The following PPFIA2 variants were observed in gnomAD, a reference collection of about 807,000 sequenced individuals.
PPFIA2 encodes PPFI scaffold protein A2.
A neutral mutation model predicts 175.5 loss-of-function variants in PPFIA2; 46 were observed. The ratio of observed to expected loss-of-function variants is 0.26; its 90% CI spans 0.21 to 0.34. PPFIA2 has a LOEUF of 0.34. PPFIA2 is among the 10% of genes least tolerant of loss of function. The probability of loss-of-function intolerance (pLI) is 1.00; values close to 1 mark genes in which losing one functional copy is unlikely to be tolerated. For synonymous variants in PPFIA2, 568 were observed against 511.4 expected, an observed-to-expected ratio of 1.11 and a Z score of -1.49; for missense variants, 1,179 against 1,506.1, an observed-to-expected ratio of 0.78 and a Z score of 3.60.
At chr12:81,602,200 C>T (rs1183529081) in intron 4 of PPFIA2, among the ~76,000 whole-genome samples, 2 of 151,756 alleles carry the variant, frequency 1.3e-5, no homozygotes, top group African/African-American at 4.8e-5. Flanking sequence ...ATTATTACCA[C>T]ACAATGTACC....
At chr12:81,647,639 T>C (rs2066332870) in intron 4 of PPFIA2, among the ~76,000 whole-genome samples, 2 of 150,822 alleles carry the variant, frequency 1.3e-5, no homozygotes, top group South Asian at 4.2e-4. Context: ...CGGGTGCTTG[T>C]AGTCCCAGCT....
At chr12:81,435,610 A>G (rs900273909) in intron 7 of PPFIA2, among the ~76,000 whole-genome samples, 2 of 152,142 alleles carry the variant, frequency 1.3e-5, no homozygotes, top group Non-Finnish European at 2.9e-5. Context: ...AAGAGACTCT[A>G]TATATAATAA....
At chr12:81,416,924 T>C (rs1023242846) in intron 7 of PPFIA2, among the ~76,000 whole-genome samples, 2 of 151,790 alleles carry the variant, frequency 1.3e-5, no homozygotes, top group Admixed American at 6.6e-5. Context: ...ACATGCTCTG[T>C]GAATGAGAGC....
Position 81,325,778 on chromosome 12 carries a change from T to TTTTCTTTAGTCTTCGATC in PPFIA2, c.2623_2640dup (p.Asp875_Lys880dup). 6.2e-7 allele frequency: 1 copy of TTTTCTTTAGTCTTCGATC among 1,610,342 alleles called. No individual in the cohort carries two copies. On this transcript the variant is annotated inframe_insertion and splice_region_variant, in exon 22 of 33. Coordinates refer to ENST00000549396, the MANE Select transcript of PPFIA2 (RefSeq NM_003625.5). ...AGAGGGAAAAATCCCCAAACCTACT[T>TTTTCTTTAGTCTTCGATC]TTTCTTTAGTCTTCGATCCTTCTCA...
chr12:81,343,472 A>T (rs1051009103), intron 19 of PPFIA2, among the ~76,000 whole-genome samples: 1 of 152,102 alleles, frequency 6.6e-6, no homozygotes, highest in Non-Finnish European at 1.5e-5. Context: ...GGAAAATAAA[A>T]TGGTAATTCC....
At chr12:81,605,886 G>A (rs1342321712) in intron 4 of PPFIA2, among the ~76,000 whole-genome samples, 1 of 151,784 alleles carries the variant, frequency 6.6e-6, no homozygotes, top group Non-Finnish European at 1.5e-5. Context: ...GGGGGTACAT[G>A]TGCAGATTTG....
intron 4 of PPFIA2, among the ~76,000 whole-genome samples, chr12:81,606,660 G>T (rs922558753): frequency 6.6e-6 from 1 of 151,950 alleles, no homozygotes; most frequent in African/African-American, 2.4e-5. Flanking sequence ...TTTTAATGAG[G>T]TTATTTGTTT....
In PPFIA2 at chr12:81,626,973, T is replaced by C. The variant is rs532202502; in HGVS notation, c.303+49818A>G. Among the ~76,000 whole-genome samples the C allele has an allele frequency of 1.1e-4, 17 of 152,238 alleles. No homozygotes were observed. In the East Asian group the frequency reaches 2.9e-3, roughly 26 times the overall value. ...TTTTAATCCATAAAGGATACTTTTT[T>C]GCCTCAGGTCTCATTTGATGTGCTT... On this transcript the variant is annotated intron_variant, in intron 4 of 32. Transcript: ENST00000549396.
intron 4 of PPFIA2, among the ~76,000 whole-genome samples, chr12:81,580,111 A>G (rs144701206): frequency 6.6e-6 from 1 of 152,010 alleles, no homozygotes; most frequent in African/African-American, 2.4e-5. Flanking sequence ...GGAACAAAGT[A>G]TTTCATTTAA....
intron 3 of PPFIA2, among the ~76,000 whole-genome samples, chr12:81,734,434 GGA>G (rs1353386194): frequency 6.6e-6 from 1 of 151,796 alleles, no homozygotes; most frequent in Non-Finnish European, 1.5e-5. Context: ...ATACAAAGGG[GGA>G]GAGAGGCAGA....
intron 5 of PPFIA2, among the ~76,000 whole-genome samples, chr12:81,447,136 AAATAATAAT>A (rs576032530): frequency 6.6e-6 from 1 of 151,942 alleles, no homozygotes; most frequent in Non-Finnish European, 1.5e-5. Context: ...GTCTCTACTA[AAATAATAAT>A]AATAATAATA....
At chr12:81,718,691 A>G (rs2078958832) in intron 3 of PPFIA2, among the ~76,000 whole-genome samples, 3 of 151,658 alleles carry the variant, frequency 2.0e-5, no homozygotes, top group African/African-American at 7.3e-5. Flanking sequence ...CCCATTTAAT[A>G]CATTTGAAGA....
intron 4 of PPFIA2, among the ~76,000 whole-genome samples, chr12:81,532,999 A>G (rs944464300): frequency 6.6e-6 from 1 of 151,514 alleles, no homozygotes; most frequent in Non-Finnish European, 1.5e-5. Context: ...TTTCTTATGT[A>G]TTTGGTTTTT....
chr12:81,641,676 C>A (rs1296135584), intron 4 of PPFIA2, among the ~76,000 whole-genome samples: 1 of 152,144 alleles, frequency 6.6e-6, no homozygotes, highest in African/African-American at 2.4e-5. Flanking sequence ...GATCTGACAA[C>A]TGACCACAGT....
At chr12:81,604,550 T>G (rs953994968) in intron 4 of PPFIA2, among the ~76,000 whole-genome samples, 3 of 151,720 alleles carry the variant, frequency 2.0e-5, no homozygotes, top group African/African-American at 7.2e-5. Flanking sequence ...AACTTCATTC[T>G]TAGTTTGATT....
At chr12:81,435,473 G>A (rs1275771790) in intron 7 of PPFIA2, among the ~76,000 whole-genome samples, 2 of 152,046 alleles carry the variant, frequency 1.3e-5, no homozygotes, top group Non-Finnish European at 2.9e-5. Context: ...GAGAATAGAT[G>A]AGCGATCAAT....
chr12:81,603,440 T>C (rs2059987215), intron 4 of PPFIA2, among the ~76,000 whole-genome samples: 2 of 151,672 alleles, frequency 1.3e-5, no homozygotes, highest in Admixed American at 1.3e-4. Flanking sequence ...GTGTTTACCA[T>C]GGCCTTTGTA....
intron 4 of PPFIA2, among the ~76,000 whole-genome samples, chr12:81,495,750 G>A (rs1459663882): frequency 6.6e-6 from 1 of 152,188 alleles, no homozygotes; most frequent in Admixed American, 6.5e-5. Flanking sequence ...CAGGGTTTGA[G>A]CCTACAGTGG....
intron 18 of PPFIA2, among the ~76,000 whole-genome samples, chr12:81,346,207 T>C (rs1197120237): frequency 6.6e-6 from 1 of 152,104 alleles, no homozygotes; most frequent in African/African-American, 2.4e-5. Flanking sequence ...TGGTGTCATT[T>C]CAACATACTA....
Sources: allele counts gnomAD v4.1 joint callset (sites outside exome capture counted in the v4.1 genomes callset), GRCh38; gene constraint gnomAD v4.1.1; transcripts MANE v1.5; gene names NCBI Gene and HGNC (gene_info 2026-07-23, HGNC 2026-07-21).